Variants in COMMD10 observed in about 807,000 individuals in gnomAD.
COMMD10 encodes the protein COMM domain-containing protein 10.
In COMMD10, 33 loss-of-function variants were observed where a neutral mutation model predicts 28.9. The observed-to-expected ratio is 1.14, with a 90% confidence interval of 0.87 to 1.53. The LOEUF (loss-of-function observed/expected upper bound fraction) is 1.53, where lower values mean the gene tolerates loss of function less well. Ranked by LOEUF, COMMD10 falls within the 40% of genes most tolerant of loss-of-function variation. The pLI is 0.00. For missense variants in COMMD10, 310 were observed against 233.4 expected, an observed-to-expected ratio of 1.33 and a Z score of -2.14; for synonymous variants, 110 against 81.7, an observed-to-expected ratio of 1.35 and a Z score of -1.87.
intron 4 of COMMD10, among the ~76,000 whole-genome samples, chr5:116,126,307 C>T (rs890404138): frequency 2.0e-5 from 3 of 152,178 alleles, no homozygotes; most frequent in African/African-American, 7.2e-5. Context: ...ATTCCATGCT[C>T]ATGAATAGGA....
intron 5 of COMMD10, among the ~76,000 whole-genome samples, chr5:116,274,773 A>T (rs1750856131): frequency 6.6e-6 from 1 of 151,638 alleles, no homozygotes; most frequent in Non-Finnish European, 1.5e-5. Flanking sequence ...CCACCTCTCA[A>T]GGCAGTCTCT....
intron 5 of COMMD10, among the ~76,000 whole-genome samples, chr5:116,198,890 G>T (rs1748593941): frequency 6.6e-6 from 1 of 151,952 alleles, no homozygotes; most frequent in Non-Finnish European, 1.5e-5. Context: ...TTCCAGTTTT[G>T]CTAAGTATAA....
chr5:116,261,116 C>T (rs1750432336), intron 5 of COMMD10, among the ~76,000 whole-genome samples: 1 of 151,718 alleles, frequency 6.6e-6, no homozygotes, highest in African/African-American at 2.4e-5. Context: ...AGTGCACCTG[C>T]ATCCAAAACT....
chr5:116,215,010 A>G (rs1259459148), intron 5 of COMMD10, among the ~76,000 whole-genome samples: 1 of 152,106 alleles, frequency 6.6e-6, no homozygotes, highest in Non-Finnish European at 1.5e-5. Context: ...ATGCAAATAG[A>G]GGATTTTCAT....
intron 5 of COMMD10, among the ~76,000 whole-genome samples, chr5:116,246,788 C>A (rs557603194): frequency 1.7e-3 from 258 of 152,150 alleles, no homozygotes; most frequent in African/African-American, 5.9e-3. Flanking sequence ...TAGCCGTATG[C>A]AGAAGGTTGA....
chr5:116,271,952 A>C (rs150194179), intron 5 of COMMD10, among the ~76,000 whole-genome samples: 2,456 of 152,046 alleles, frequency 0.016, 32 homozygotes, highest in Middle Eastern at 0.031. Flanking sequence ...ACATGAAAGT[A>C]AAAATTACTT....
At chr5:116,276,683 A>G (rs1750921507) in intron 5 of COMMD10, among the ~76,000 whole-genome samples, 1 of 151,914 alleles carries the variant, frequency 6.6e-6, no homozygotes, top group Non-Finnish European at 1.5e-5. Context: ...GCCTTGCTAA[A>G]CAGAATTTTT....
intron 4 of COMMD10, among the ~76,000 whole-genome samples, chr5:116,109,449 C>A (rs1750967421): frequency 1.3e-5 from 2 of 152,076 alleles, no homozygotes; most frequent in African/African-American, 4.8e-5. Context: ...CAAAAATTAG[C>A]CAGGCGTGCT....
chr5:116,221,557 G>A (rs1039205317), intron 5 of COMMD10, among the ~76,000 whole-genome samples: 3 of 152,166 alleles, frequency 2.0e-5, no homozygotes, highest in Non-Finnish European at 4.4e-5. Context: ...CCTGGTGAGA[G>A]CCTGTGTTTT....
intron 5 of COMMD10, among the ~76,000 whole-genome samples, chr5:116,145,517 TTGTGTATG>T (rs1435220226): frequency 6.6e-6 from 1 of 151,836 alleles, no homozygotes; most frequent in African/African-American, 2.4e-5. Flanking sequence ...AGTGAGGATA[TTGTGTATG>T]TGTGTTCGGG....
chr5:116,196,716 G>T (rs1299161006), intron 5 of COMMD10, among the ~76,000 whole-genome samples: 1 of 148,906 alleles, frequency 6.7e-6, no homozygotes, highest in Non-Finnish European at 1.5e-5. Context: ...GTTAGTCACA[G>T]AAATACTAAC....
chr5:116,150,575 C>A (rs1255236033), intron 5 of COMMD10, among the ~76,000 whole-genome samples: 12 of 138,996 alleles, frequency 8.6e-5, no homozygotes, highest in African/African-American at 2.7e-4. Context: ...TCCTTCACAT[C>A]CCTTGTAAGT....
chr5:116,137,110 G>A (rs922787505), intron 5 of COMMD10, among the ~76,000 whole-genome samples: 1 of 151,998 alleles, frequency 6.6e-6, no homozygotes. Flanking sequence ...CTGCTGCCTG[G>A]AATTACTGCT....
intron 5 of COMMD10, among the ~76,000 whole-genome samples, chr5:116,273,241 A>G (rs964155283): frequency 3.3e-5 from 5 of 151,852 alleles, no homozygotes; most frequent in Non-Finnish European, 5.9e-5. Flanking sequence ...AAATCCATGC[A>G]TAGTTTTTTC....
At chr5:116,232,507 C>G (rs1749554250) in intron 5 of COMMD10, among the ~76,000 whole-genome samples, 1 of 152,052 alleles carries the variant, frequency 6.6e-6, no homozygotes, top group Admixed American at 6.6e-5. Flanking sequence ...GATCAACCAG[C>G]TTGGCCAACA....
chr5:116,088,553 C>G (rs1750198068), intron 2 of COMMD10, among the ~76,000 whole-genome samples: 1 of 152,194 alleles, frequency 6.6e-6, no homozygotes, highest in Admixed American at 6.5e-5. Context: ...ACATTGCGTA[C>G]AAGTCCCATT....
At chr5:116,144,111 G>A (rs1313207621) in intron 5 of COMMD10, among the ~76,000 whole-genome samples, 1 of 151,790 alleles carries the variant, frequency 6.6e-6, no homozygotes, top group Non-Finnish European at 1.5e-5. Context: ...CTGAGACATG[G>A]GAGCAAATTG....
At chr5:116,166,037 C>G (rs1290789423) in intron 5 of COMMD10, among the ~76,000 whole-genome samples, 3 of 152,132 alleles carry the variant, frequency 2.0e-5, no homozygotes, top group Admixed American at 1.3e-4. Flanking sequence ...GTGTCATCCT[C>G]AACTATCCTG....
At chr5:116,271,288 T>G (rs906556890) in intron 5 of COMMD10, among the ~76,000 whole-genome samples, 11 of 147,370 alleles carry the variant, frequency 7.5e-5, no homozygotes, top group Non-Finnish European at 1.5e-4. Context: ...TTTTAAATTT[T>G]TATATATTTA....
Sources: allele counts gnomAD v4.1 joint callset (sites outside exome capture counted in the v4.1 genomes callset), GRCh38; gene constraint gnomAD v4.1.1; transcripts MANE v1.5; gene names NCBI Gene and HGNC (gene_info 2026-07-23, HGNC 2026-07-21).